The following GABRA3 variants were observed in gnomAD, a reference collection of about 807,000 sequenced individuals.
The protein encoded by GABRA3 is gamma-aminobutyric acid receptor subunit alpha-3.
Under a neutral mutation model 30.1 loss-of-function variants are expected in GABRA3, and 10 were observed. The observed-to-expected ratio is 0.33, with a 90% confidence interval of 0.20 to 0.56. The LOEUF is 0.56. Ranked by LOEUF, GABRA3 falls within the 20% of genes least tolerant of loss-of-function variation. The probability of loss-of-function intolerance (pLI) is 0.89; values close to 1 mark genes in which losing one functional copy is unlikely to be tolerated. For missense variants in GABRA3, 233 were observed against 392.0 expected (o/e 0.59, Z 3.42); for synonymous variants, 151 against 146.8 (o/e 1.03, Z -0.21).
chrX:152,366,066 A>G (rs1466483241), intron 1 of GABRA3, among the ~76,000 whole-genome samples: 4 of 111,892 alleles, frequency 3.6e-5, no homozygotes, highest in African/African-American at 1.3e-4. Context: ...AGTATACAGG[A>G]ATGGTACGGT....
intron 3 of GABRA3, among the ~76,000 whole-genome samples, chrX:152,321,843 A>G (rs2201169): frequency 0.21 from 23,186 of 109,528 alleles, 2,279 homozygotes; most frequent in African/African-American, 0.39. Context: ...AACATGCTGA[A>G]TTCCTTTCCT....
At chrX:152,331,733 A>G (rs1940169516) in intron 3 of GABRA3, among the ~76,000 whole-genome samples, 1 of 111,458 alleles carries the variant, frequency 9.0e-6, no homozygotes, top group Admixed American at 9.5e-5. Context: ...ACAGGAAGAG[A>G]TTTAACCAAA....
intron 9 of GABRA3, among the ~76,000 whole-genome samples, chrX:152,188,134 A>G (rs1229606902): frequency 2.7e-5 from 3 of 111,064 alleles, no homozygotes; most frequent in African/African-American, 9.8e-5. Context: ...ACTCATGAAT[A>G]CTAGGTTTAA....
At chrX:152,226,507 G>A (rs933642532) in intron 5 of GABRA3, among the ~76,000 whole-genome samples, 1 of 111,342 alleles carries the variant, frequency 9.0e-6, no homozygotes, top group South Asian at 3.8e-4. Context: ...AAAAGCAATG[G>A]CAACAAAAGC....
chrX:152,317,439 G>A (rs992363272), intron 3 of GABRA3, among the ~76,000 whole-genome samples: 3 of 111,310 alleles, frequency 2.7e-5, no homozygotes, highest in Middle Eastern at 4.3e-3. Context: ...AGAAACAATG[G>A]ATTTAAACTA....
rs186197737 is a variant in GABRA3, at chrX:152,258,835, T to C, written c.331-2837A>G. On this transcript the variant is annotated intron_variant, in intron 4 of 9. Transcript: ENST00000370314. ...GCACAATAGAAGGCTCCACTGATTGTCCCTCCCCCACTCAGCAGGGACACC... is the reference window on the plus strand; with the variant it reads ...GCACAATAGAAGGCTCCACTGATTGCCCCTCCCCCACTCAGCAGGGACACC... Among the ~76,000 whole-genome samples, 5 of 110,666 alleles carry C rather than the reference T, an allele frequency of 4.5e-5. No individual in the cohort carries two copies. The East Asian group carries it at 1.4e-3, about 32-fold the overall frequency.
At position 152,239,879 on chromosome X, in the gene GABRA3, T is replaced by C. The variant is rs5970239; in HGVS notation, c.552-15034A>G. Among the ~76,000 whole-genome samples the C allele has an allele frequency of 6.7e-3, 646 of 96,323 alleles. 10 individuals are homozygous for C. The highest frequency in any genetic ancestry group is 0.025 in the African/African-American group (507 of 19,983). The allele number at this position is 96,323 out of a possible 115,157, so 83.6% of individuals were successfully genotyped here. On this transcript the variant is annotated intron_variant, in intron 5 of 9. Coordinates refer to ENST00000370314, the MANE Select transcript of GABRA3 (RefSeq NM_000808.4). ...TTCCTCCATCCTTTTATTTTGAGCC[T>C]ATGTGTGTCTCTGCACGTGAGATGG... is the stretch of plus-strand genomic sequence containing the variant.
intron 2 of GABRA3, among the ~76,000 whole-genome samples, chrX:152,349,479 C>T (rs1337900466): frequency 9.3e-6 from 1 of 108,091 alleles, no homozygotes; most frequent in African/African-American, 3.4e-5. Flanking sequence ...TGTAAATGGA[C>T]TAAGTGCTCC....
intron 3 of GABRA3, among the ~76,000 whole-genome samples, chrX:152,317,312 T>C (rs554104320): frequency 1.7e-4 from 19 of 111,641 alleles, no homozygotes; most frequent in African/African-American, 5.5e-4. Flanking sequence ...AGCTCCCAAA[T>C]TTATAAAACG....
At chrX:152,289,018 A>T (rs1371234507) in intron 3 of GABRA3, among the ~76,000 whole-genome samples, 1 of 109,348 alleles carries the variant, frequency 9.1e-6, no homozygotes, top group Non-Finnish European at 1.9e-5. Flanking sequence ...CATACACATG[A>T]TTACACACAC....
In GABRA3 at chrX:152,243,577, T is replaced by C. The variant is rs965924826; in HGVS notation, c.551+12201A>G. On this transcript the variant is annotated intron_variant, in intron 5 of 9. Coordinates refer to ENST00000370314, the MANE Select transcript of GABRA3 (RefSeq NM_000808.4). The stretch of plus-strand genomic sequence containing the variant: ...AGCTATGTGTAAGTTACTTCAGTTC[T>C]CTGTGTCTTGTTAGCTAACACCTTG... Among the ~76,000 whole-genome samples the C allele has an allele frequency of 2.0e-4, 22 of 112,065 alleles. No individual in the cohort carries two copies. In the Admixed American group the frequency reaches 2.1e-3, roughly 11 times the overall value.
chrX:152,197,247 C>G (rs1444809216), intron 8 of GABRA3, among the ~76,000 whole-genome samples: 4 of 111,507 alleles, frequency 3.6e-5, no homozygotes, highest in African/African-American at 1.3e-4. Context: ...CAAAGTCAAA[C>G]GCTCATACAA....
chrX:152,368,999 T>C (rs1356368608), intron 1 of GABRA3, among the ~76,000 whole-genome samples: 9 of 111,626 alleles, frequency 8.1e-5, no homozygotes, highest in African/African-American at 2.3e-4. Context: ...GCCACCGCGC[T>C]AGGCCCTATT....
At chrX:152,397,261 C>T (rs939089304) in intron 1 of GABRA3, among the ~76,000 whole-genome samples, 1 of 111,847 alleles carries the variant, frequency 8.9e-6, no homozygotes, top group Admixed American at 9.5e-5. Flanking sequence ...TAACTTATGG[C>T]CAAAACTTGG....
intron 1 of GABRA3, among the ~76,000 whole-genome samples, chrX:152,389,973 G>A (rs924363326): frequency 9.0e-6 from 1 of 111,277 alleles, no homozygotes; most frequent in African/African-American, 3.3e-5. Flanking sequence ...TGTTCACATG[G>A]ATAAGATTTG....
chrX:152,272,674 G>C (rs914047637), intron 4 of GABRA3, among the ~76,000 whole-genome samples: 1 of 111,717 alleles, frequency 9.0e-6, no homozygotes, highest in Non-Finnish European at 1.9e-5. Flanking sequence ...TGGTATGGCT[G>C]TGTCTCCATC....
chrX:152,249,042 C>T (rs775936657), intron 5 of GABRA3, among the ~76,000 whole-genome samples: 6 of 111,391 alleles, frequency 5.4e-5, no homozygotes, highest in Admixed American at 9.5e-5. Flanking sequence ...TATCATCCCT[C>T]ATCTGTCATG....
chrX:152,234,688 T>G (rs1383602504), intron 5 of GABRA3, among the ~76,000 whole-genome samples: 1 of 111,746 alleles, frequency 8.9e-6, no homozygotes, highest in East Asian at 2.8e-4. Context: ...CTTCTGCGTA[T>G]TGCAACCCAA....
At chrX:152,176,125 G>A (rs1325370996) in intron 9 of GABRA3, among the ~76,000 whole-genome samples, 2 of 109,224 alleles carry the variant, frequency 1.8e-5, no homozygotes, top group Non-Finnish European at 3.8e-5. Flanking sequence ...CATCAAGGAG[G>A]CCACTATGGG....
Sources: allele counts gnomAD v4.1 joint callset (sites outside exome capture counted in the v4.1 genomes callset), GRCh38; gene constraint gnomAD v4.1.1; transcripts MANE v1.5; gene names NCBI Gene and HGNC (gene_info 2026-07-23, HGNC 2026-07-21).